GSAP: variants seen among roughly 807,000 people sequenced by gnomAD.
GSAP encodes the protein gamma-secretase-activating protein.
A neutral mutation model predicts 131.7 loss-of-function variants in GSAP; 118 were observed. That is an observed-to-expected ratio of 0.90 (90% confidence interval 0.77 to 1.04). The LOEUF (loss-of-function observed/expected upper bound fraction) is 1.04. Ranked by LOEUF, GSAP falls within the 50% of genes least tolerant of loss-of-function variation. GSAP has a pLI of 0.00. For synonymous variants in GSAP, 381 were observed against 363.4 expected (o/e 1.05, Z -0.55); for missense variants, 1,019 against 1,013.2 (o/e 1.01, Z -0.08).
intron 1 of GSAP, among the ~76,000 whole-genome samples, chr7:77,407,679 A>G (rs947981515): frequency 3.3e-5 from 5 of 152,246 alleles, no homozygotes; most frequent in African/African-American, 1.2e-4. Context: ...TGAAACTCTC[A>G]TACATTGTTA....
intron 20 of GSAP, 50 bp from the exon 21 acceptor site, chr7:77,329,441 G>T: frequency 2.0e-6 from 2 of 994,324 alleles, no homozygotes; most frequent in South Asian, 1.6e-5. Flanking sequence ...TTTTATCGGT[G>T]ACTTTTCACG....
intron 5 of GSAP, 33 bp downstream of exon 5, chr7:77,396,949 A>T (rs956042471): frequency 2.3e-6 from 3 of 1,277,698 alleles, no homozygotes; most frequent in African/African-American, 2.9e-5. Context: ...ACCTTCATCT[A>T]CCCATAGGTA....
At chr7:77,400,193 A>G (rs943078900) in intron 3 of GSAP, among the ~76,000 whole-genome samples, 2 of 152,162 alleles carry the variant, frequency 1.3e-5, no homozygotes, top group African/African-American at 4.8e-5. Context: ...GTATCAAAGA[A>G]GACCAAGTAG....
At chr7:77,349,700 A>G (rs1390518173) in intron 18 of GSAP, among the ~76,000 whole-genome samples, 1 of 152,220 alleles carries the variant, frequency 6.6e-6, no homozygotes, top group East Asian at 1.9e-4. Flanking sequence ...ATACATTTCT[A>G]TTAAAGAACG....
At chr7:77,313,776 C>T in intron 27 of GSAP, among the ~76,000 whole-genome samples, 1 of 152,282 alleles carries the variant, frequency 6.6e-6, no homozygotes, top group African/African-American at 2.4e-5. Context: ...TAACTTAAAA[C>T]AGAAGGTACC....
chr7:77,378,037 A>G lies in GSAP; in HGVS notation c.577-647T>C, dbSNP rs546069941. ...TAGTATAATCCTCACCTGTTTTCCAATGGTGCATTGGCATGCTGCTTTGAC... is the reference window on the plus strand; with the variant it reads ...TAGTATAATCCTCACCTGTTTTCCAGTGGTGCATTGGCATGCTGCTTTGAC... On this transcript the variant is annotated intron_variant, in intron 8 of 30. Coordinates refer to ENST00000257626, the MANE Select transcript of GSAP (RefSeq NM_017439.4). Among the ~76,000 whole-genome samples the G allele has an allele frequency of 5.3e-5, 8 of 152,320 alleles. No individual in the cohort carries two copies. In the East Asian group the frequency reaches 5.8e-4, roughly 11 times the overall value.
Position 77,352,994 on chromosome 7 carries a change from T to C in GSAP, c.1441A>G (p.Ser481Gly), listed in dbSNP as rs759610128. Residue 481 changes from serine to glycine, a missense_variant, in exon 18 of 31, where the codon AGT (serine) becomes GGT (glycine). Ser to Gly is a moderately conservative substitution (Grantham distance 56, BLOSUM62 0). Transcript: ENST00000257626. ...TGTGGCAATAGTTTGTCCATGTTAC[T>C]TGTCTCTGAATATACACTCCAGTAT... ...SSYWSVYSET[S>G]NMDKLLPHSS... 1.4e-5 allele frequency: 23 copies of C among 1,607,624 alleles called. No individual in the cohort carries two copies. Among genetic ancestry groups the C allele is most frequent in the Non-Finnish European group, 2.0e-5 (23 of 1,174,320 alleles).
intron 20 of GSAP, 91 bp downstream of exon 20, chr7:77,330,148 C>A: frequency 6.9e-7 from 1 of 1,445,840 alleles, no homozygotes; most frequent in Non-Finnish European, 9.3e-7. Flanking sequence ...GAGTGCTGCA[C>A]ATGGAAGCCA....
intron 21 of GSAP, 22 bp from the exon 22 acceptor site, chr7:77,328,659 T>C (rs1293398173): frequency 7.0e-7 from 1 of 1,431,404 alleles, no homozygotes; most frequent in East Asian, 2.3e-5. Flanking sequence ...TTAGCCATGT[T>C]ATTCACAGAC....
At chr7:77,320,183 C>T (rs1199424344) in intron 26 of GSAP, among the ~76,000 whole-genome samples, 6 of 152,150 alleles carry the variant, frequency 3.9e-5, no homozygotes, top group African/African-American at 9.7e-5. Flanking sequence ...ATTTCTAGCA[C>T]GTTACCGGTC....
chr7:77,377,010 AT>A, intron 9 of GSAP, 103 bp from the exon 10 acceptor site: 1 of 714,846 alleles, frequency 1.4e-6, no homozygotes, highest in Non-Finnish European at 2.4e-6. Flanking sequence ...AAATGTAATG[AT>A]TAGTGAACTG....
intron 23 of GSAP, among the ~76,000 whole-genome samples, chr7:77,325,436 G>C (rs577287787): frequency 1.5e-3 from 230 of 152,196 alleles, no homozygotes; most frequent in Admixed American, 4.0e-3. Context: ...TCTTTAATCA[G>C]CTTTTTAAAG....
At chr7:77,373,699 G>GT in intron 12 of GSAP, among the ~76,000 whole-genome samples, 1 of 152,214 alleles carries the variant, frequency 6.6e-6, no homozygotes, top group East Asian at 1.9e-4. Flanking sequence ...AGCCAGGTAC[G>GT]TAAGTTTAGA....
chr7:77,312,025 G>A, intron 29 of GSAP, 76 bp downstream of exon 29: 1 of 1,177,902 alleles, frequency 8.5e-7, no homozygotes, highest in Non-Finnish European at 1.3e-6. Context: ...TGTAATTGCT[G>A]TCCATACAGA....
chr7:77,342,064 C>G (rs1791016585), intron 19 of GSAP, among the ~76,000 whole-genome samples: 1 of 152,232 alleles, frequency 6.6e-6, no homozygotes, highest in Non-Finnish European at 1.5e-5. Context: ...CACTGGAAAT[C>G]AGACTGTCCA....
chr7:77,364,606 G>A (rs1280384151), intron 12 of GSAP, among the ~76,000 whole-genome samples: 3 of 151,876 alleles, frequency 2.0e-5, no homozygotes, highest in Non-Finnish European at 4.4e-5. Flanking sequence ...ACACCAGCAT[G>A]GCACATTTAT....
At chr7:77,353,393 A>G (rs891639970) in intron 17 of GSAP, among the ~76,000 whole-genome samples, 179 bp downstream of exon 17, 1 of 152,116 alleles carries the variant, frequency 6.6e-6, no homozygotes, top group African/African-American at 2.4e-5. Context: ...AGTTTCTTAG[A>G]AAACCACAAG....
intron 5 of GSAP, among the ~76,000 whole-genome samples, chr7:77,391,579 T>A (rs1799546197): frequency 6.6e-6 from 1 of 152,100 alleles, no homozygotes; most frequent in African/African-American, 2.4e-5. Context: ...ATCCCAACAC[T>A]TTTGGAGGCC....
intron 5 of GSAP, among the ~76,000 whole-genome samples, chr7:77,392,094 G>A (rs1799644279): frequency 6.6e-6 from 1 of 152,078 alleles, no homozygotes; most frequent in African/African-American, 2.4e-5. Context: ...AAGTGGTGGT[G>A]GATGCCTGCG....
Sources: gnomAD v4.1 joint callset for allele counts (sites outside exome capture counted in the v4.1 genomes callset) on GRCh38, gnomAD v4.1.1 for gene constraint, MANE v1.5 for transcripts, NCBI Gene and HGNC (gene_info 2026-07-23, HGNC 2026-07-21) for gene names.